The following TMEM214 variants were observed in gnomAD, a reference collection of about 807,000 sequenced individuals.
The protein encoded by TMEM214 is transmembrane protein 214.
Under a neutral mutation model 89.8 loss-of-function variants are expected in TMEM214, and 71 were observed. The observed-to-expected ratio is 0.79, with a 90% CI of 0.65 to 0.96. The LOEUF is 0.96. Ranked by LOEUF, TMEM214 falls within the 40% of genes least tolerant of loss-of-function variation. The pLI, the probability that TMEM214 is intolerant of heterozygous loss-of-function variation, is 0.00. For synonymous variants in TMEM214, 332 were observed against 349.5 expected (o/e 0.95, Z 0.56); for missense variants, 754 against 843.4 (o/e 0.89, Z 1.31).
rs1184495646 is a variant in TMEM214 at position 27,041,191 on chromosome 2, C to T, written c.*354C>T. The T allele has an allele frequency of 4.5e-6, 1 of 219,960 alleles. No individual in the cohort carries two copies. The highest frequency in any genetic ancestry group is 5.1e-5 in the Admixed American group (1 of 19,598). 13.6% of individuals were successfully genotyped at this position (219,960 alleles called of 1,614,324 possible). ...ACAGCTCATCTCTAAAAAGATAGAA[C>T]TCCCAGCAGGTGGCTTCTGTGTTCT... is the stretch of plus-strand genomic sequence containing the variant. On this transcript the variant is annotated 3_prime_UTR_variant, in exon 17 of 17. Transcript: ENST00000238788.
At chr2:27,035,787 C>G (rs1289896040) in intron 4 of TMEM214, 59 bp downstream of exon 4, 3 of 1,610,980 alleles carry the variant, frequency 1.9e-6, no homozygotes, top group East Asian at 4.5e-5. Context: ...TTTCCTGCTT[C>G]CAGTACCACT....
In TMEM214 at chr2:27,040,072, C is replaced by T; in HGVS notation, c.1665C>T (p.Leu555=). The T allele has an allele frequency of 6.2e-7, 1 of 1,608,668 alleles. No individual in the cohort carries two copies. Among genetic ancestry groups the T allele is most frequent in the South Asian group, 1.1e-5 (1 of 91,084 alleles). ...ETLPLWGSHL[L]TVVRPSLQLA... Reference sequence around the variant, plus strand: ...TGCCGCTCTGGGGCTCCCACCTGCTCACCGTGGTGCGGCCCAGCTTGCAGC... The same window carrying T: ...TGCCGCTCTGGGGCTCCCACCTGCTTACCGTGGTGCGGCCCAGCTTGCAGC... Residue 555 remains leucine, a synonymous_variant, in exon 15 of 17, where the codon CTC becomes CTT. Transcript: ENST00000238788.
At chr2:27,036,359 C>G in intron 5 of TMEM214, 128 bp from the exon 6 acceptor site, 1 of 827,184 alleles carries the variant, frequency 1.2e-6, no homozygotes, top group Non-Finnish European at 2.0e-6. Flanking sequence ...ACCACGTGGC[C>G]ATAGTGCTCC....
chr2:27,035,043 C>G (rs1304493502), intron 2 of TMEM214, 92 bp from the exon 3 acceptor site: 4 of 1,465,348 alleles, frequency 2.7e-6, no homozygotes, highest in Non-Finnish European at 3.7e-6. Flanking sequence ...CTACTGCCAC[C>G]TAGTTCAACC....
chr2:27,037,249 T>A, intron 8 of TMEM214, 71 bp downstream of exon 8: 1 of 1,282,050 alleles, frequency 7.8e-7, no homozygotes, highest in Non-Finnish European at 1.1e-6. Flanking sequence ...TATTCCCGTC[T>A]CTCCTTCCCC....
Position 27,040,893 on chromosome 2 carries a change from G to A in TMEM214, c.*56G>A, listed in dbSNP as rs143989329. On this transcript the variant is annotated 3_prime_UTR_variant, in exon 17 of 17. Coordinates refer to ENST00000238788, the MANE Select transcript of TMEM214 (RefSeq NM_017727.5). The stretch of plus-strand genomic sequence containing the variant: ...TGGGTAGACCATCCAAGACTGCAGC[G>A]GGTAGAAGGTGGCAGTTCTTCATGG... 329 of 1,587,806 alleles carry A rather than the reference G, an allele frequency of 2.1e-4. No homozygotes were observed. In the African/African-American group the frequency reaches 3.5e-3, roughly 17 times the overall value.
In TMEM214 at chr2:27,038,491, C is replaced by A; in HGVS notation, c.1252C>A (p.Leu418Met). 1 of 1,614,086 alleles carries A rather than the reference C, an allele frequency of 6.2e-7. No individual in the cohort carries two copies. Among genetic ancestry groups the A allele is most frequent in the Non-Finnish European group, 8.5e-7 (1 of 1,179,994 alleles). ...GTTGTGCTTTCCCCACAGCCTTCTG[C>A]TGGAGCACTTGCTCAGCTCCTGGGA... ...PKHLSQSSLL[L>M]EHLLSSWEQI... Residue 418 changes from leucine to methionine, a missense_variant, in exon 11 of 17, where the codon CTG becomes ATG. By Grantham distance (15) the Leu-to-Met change is conservative. Transcript: ENST00000238788. This position sits in a 1 kb window ranked among gnomAD's most constrained non-coding sequence, Gnocchi z 4.4.
At chr2:27,033,214 G>C (rs1667408015) in intron 1 of TMEM214, 48 bp downstream of exon 1, 1 of 1,244,602 alleles carries the variant, frequency 8.0e-7, no homozygotes, top group African/African-American at 1.6e-5. Flanking sequence ...TGTCCGGCAG[G>C]GTCGCAGCGA....
intron 13 of TMEM214, 81 bp downstream of exon 13, chr2:27,039,245 A>T: frequency 1.7e-6 from 2 of 1,190,552 alleles, no homozygotes; most frequent in Non-Finnish European, 2.4e-6. Context: ...CGCCCCCAGC[A>T]GCACACATCT....
At position 27,039,062 on chromosome 2, in the gene TMEM214, G is replaced by T; in HGVS notation, c.1423G>T (p.Val475Phe). ...CTCCCACCAGGGCCTGTTGCAGCAG[G>T]TTCAGGGTCCTCGGCTGCCCTGGAC... ...DMACKGLLQQ[V>F]QGPRLPWTRL... Residue 475 changes from valine to phenylalanine, a missense_variant, in exon 13 of 17, where the codon GTT (valine) becomes TTT (phenylalanine). Transcript: ENST00000238788. 1.1e-5 allele frequency: 17 copies of T among 1,613,690 alleles called. No individual in the cohort carries two copies. Among genetic ancestry groups the T allele is most frequent in the Non-Finnish European group, 1.4e-5 (16 of 1,180,042 alleles).
chr2:27,034,073 T>C lies in TMEM214; in HGVS notation c.158T>C (p.Ile53Thr), dbSNP rs1382706173. 6.2e-7 allele frequency: 1 copy of C among 1,613,822 alleles called. No individual in the cohort carries two copies. The highest frequency in any genetic ancestry group is 2.2e-5 in the East Asian group (1 of 44,878). The change falls in exon 2 of 17, where the codon ATC becomes ACC. Residue 53 changes from isoleucine to threonine, a missense_variant. Physicochemically the swap from Ile to Thr is moderately conservative, Grantham distance 89 (BLOSUM62 -1). Transcript: ENST00000238788. ...GVWKYDLTPA[I>T]QTTSTLYERG... ...CTACCTATCTTCACCCCAGCTGCAATCCAGACCACAAGCACCCTTTATGAG... is the reference window on the plus strand; with the variant it reads ...CTACCTATCTTCACCCCAGCTGCAACCCAGACCACAAGCACCCTTTATGAG...
In TMEM214 at chr2:27,040,400, T is replaced by C. The variant is rs754733457; in HGVS notation, c.1847T>C (p.Leu616Pro). 6.2e-7 allele frequency: 1 copy of C among 1,614,266 alleles called. No individual in the cohort carries two copies. The highest frequency in any genetic ancestry group is 8.5e-7 in the Non-Finnish European group (1 of 1,180,048). ...CAGCTACTCCGCTATCTGAGAGAGC[T>C]GCCCCTGCTTTTCCACCAGAATGTG... The part of the protein sequence containing the change: ...VNQLLRYLRE[L>P]PLLFHQNVLL... The change falls in exon 16 of 17, where the codon CTG becomes CCG. Residue 616 changes from leucine to proline, a missense_variant. Leu to Pro is a moderately conservative substitution (Grantham distance 98). Transcript: ENST00000238788.
At position 27,038,292 on chromosome 2, in the gene TMEM214, G is replaced by A. The variant is rs1667662779; in HGVS notation, c.1244+55G>A. The A allele has an allele frequency of 5.0e-6, 8 of 1,594,992 alleles. No individual in the cohort carries two copies. The East Asian group carries it at 1.6e-4, about 31-fold the overall frequency. On this transcript the variant is annotated intron_variant, in intron 10 of 16. Transcript: ENST00000238788. This position sits in a 1 kb window ranked among gnomAD's most constrained non-coding sequence, Gnocchi z 4.4. ...TGTGCTAGAAGCAGAAGGGGAGCCT[G>A]GGTCACTGTCCCATGGCCTGACACC...
chr2:27,040,693 G>A lies in TMEM214; in HGVS notation c.1944-18G>A. ...GCTACTCACGTGCATACTCAAAAAT[G>A]TTCCACTTTCCTTCCAGAGGTGAGG... On this transcript the variant is annotated intron_variant, in intron 16 of 16. Coordinates refer to ENST00000238788, the MANE Select transcript of TMEM214 (RefSeq NM_017727.5). 5 of 1,612,812 alleles carry A rather than the reference G, an allele frequency of 3.1e-6. No homozygotes were observed. Among genetic ancestry groups the A allele is most frequent in the Non-Finnish European group, 4.2e-6 (5 of 1,179,654 alleles).
intron 2 of TMEM214, 68 bp from the exon 3 acceptor site, chr2:27,035,067 T>A: frequency 6.3e-7 from 1 of 1,590,660 alleles, no homozygotes; most frequent in Non-Finnish European, 8.6e-7. Flanking sequence ...TTCCCACCCC[T>A]ACCCCATTTC....
chr2:27,036,979 T>G (rs1453349365), intron 7 of TMEM214, 98 bp from the exon 8 acceptor site: 3 of 1,194,804 alleles, frequency 2.5e-6, no homozygotes. Flanking sequence ...GGGTAGAGTT[T>G]ATACCCTTTT....
rs1320910629 is a variant in TMEM214 at position 27,035,201 on chromosome 2, A to G, written c.418A>G (p.Ile140Val). 16 of 1,614,066 alleles carry G rather than the reference A, an allele frequency of 9.9e-6. No individual in the cohort carries two copies. Among genetic ancestry groups the G allele is most frequent in the African/African-American group, 2.7e-5 (2 of 74,922 alleles). ...GAGTGTGTTCTCTGGAAACCCATCC[A>G]TATGGTTGAAGGACCTGGCCAGCTA... Reference protein sequence around the residue: ...SQSVFSGNPSIWLKDLASYLN... With the variant: ...SQSVFSGNPSVWLKDLASYLN... The change falls in exon 3 of 17, where the codon ATA (isoleucine) becomes GTA (valine). Residue 140 changes from isoleucine to valine, a missense_variant. By Grantham distance (29) the Ile-to-Val change is conservative. Coordinates refer to ENST00000238788, the MANE Select transcript of TMEM214 (RefSeq NM_017727.5).
Position 27,035,198 on chromosome 2 carries a change from T to C in TMEM214, c.415T>C (p.Ser139Pro). 1 of 1,614,006 alleles carries C rather than the reference T, an allele frequency of 6.2e-7. No homozygotes were observed. Among genetic ancestry groups the C allele is most frequent in the Non-Finnish European group, 8.5e-7 (1 of 1,180,022 alleles). The part of the protein sequence containing the change: ...KSQSVFSGNP[S>P]IWLKDLASYL... ...CCAGAGTGTGTTCTCTGGAAACCCATCCATATGGTTGAAGGACCTGGCCAG... is the reference window on the plus strand; with the variant it reads ...CCAGAGTGTGTTCTCTGGAAACCCACCCATATGGTTGAAGGACCTGGCCAG... The change falls in exon 3 of 17, where the codon TCC becomes CCC. Residue 139 changes from serine (S) to proline (P), a missense_variant. By Grantham distance (74) the Ser-to-Pro change is moderately conservative. Coordinates refer to ENST00000238788, the MANE Select transcript of TMEM214 (RefSeq NM_017727.5).
chr2:27,039,741 C>T lies in TMEM214; in HGVS notation c.1526C>T (p.Ala509Val). The stretch of plus-strand genomic sequence containing the variant: ...CTCACCAGAGGCCCCCTTTACTTAG[C>T]CTCCCTTACTGGCCGGTTGCTTCGA... ...HDLRSHSSFQ[A>V]SLTGRLLRSS... The change falls in exon 14 of 17, where the codon GCC becomes GTC. Residue 509 changes from alanine (A) to valine (V), a missense_variant and splice_region_variant. Coordinates refer to ENST00000238788, the MANE Select transcript of TMEM214 (RefSeq NM_017727.5). The T allele has an allele frequency of 6.2e-7, 1 of 1,614,184 alleles. No homozygotes were observed. The highest frequency in any genetic ancestry group is 8.5e-7 in the Non-Finnish European group (1 of 1,179,990).
Sources: allele counts gnomAD v4.1 joint callset, GRCh38; gene constraint gnomAD v4.1.1; non-coding constraint Gnocchi (gnomAD v3.1); transcripts MANE v1.5; gene names NCBI Gene and HGNC (gene_info 2026-07-23, HGNC 2026-07-21).